Variants in KCNH1 observed in about 807,000 individuals in gnomAD.
KCNH1 encodes voltage-gated delayed rectifier potassium channel KCNH1.
A neutral mutation model predicts 69.2 loss-of-function variants in KCNH1; 27 were observed. The ratio of observed to expected loss-of-function variants is 0.39; its 90% confidence interval spans 0.29 to 0.54. KCNH1 has a LOEUF of 0.54. Among genes scored for constraint, KCNH1 ranks in the 20% least tolerant of loss-of-function variants. The pLI, the probability that KCNH1 is intolerant of heterozygous loss-of-function variation, is 0.68. For synonymous variants in KCNH1, 456 were observed against 487.7 expected, an observed-to-expected ratio of 0.93 and a Z score of 0.86; for missense variants, 798 against 1,261.6, an observed-to-expected ratio of 0.63 and a Z score of 5.57.
At chr1:210,939,910 C>T (rs575000833) in intron 6 of KCNH1, among the ~76,000 whole-genome samples, 2 of 152,234 alleles carry the variant, frequency 1.3e-5, no homozygotes, top group South Asian at 4.1e-4. Context: ...CAAACTGTGA[C>T]TTACAAGAAG....
rs184305469 is a variant in KCNH1, at chr1:210,976,064, C to T, written c.1032+42719G>A. Among the ~76,000 whole-genome samples, 1,518 of 152,294 alleles carry T rather than the reference C, an allele frequency of 1.0e-2. 49 individuals carry two copies. The highest frequency in any genetic ancestry group is 0.055 in the East Asian group (285 of 5,176). On this transcript the variant is annotated intron_variant, in intron 6 of 10. Transcript: ENST00000271751. ...AACCACAATGAGATACCATCTCACA[C>T]CAGTTAGAATGGCAATCATTAAAAA...
At chr1:210,958,608 C>A (rs1055906178) in intron 6 of KCNH1, among the ~76,000 whole-genome samples, 45 of 152,140 alleles carry the variant, frequency 3.0e-4, no homozygotes, top group Non-Finnish European at 1.8e-4. Context: ...TTGTTCATTT[C>A]TTTTTACTCT....
At chr1:211,124,925 G>A (rs1691751369) in intron 1 of KCNH1, among the ~76,000 whole-genome samples, 1 of 152,164 alleles carries the variant, frequency 6.6e-6, no homozygotes, top group Non-Finnish European at 1.5e-5. Context: ...ATAAGGAACA[G>A]ATGCACATAA....
chr1:211,032,492 C>T (rs6689241), intron 5 of KCNH1, among the ~76,000 whole-genome samples: 67,838 of 151,832 alleles, frequency 0.45, 16,035 homozygotes, highest in African/African-American at 0.58. Context: ...GGAGGCATCA[C>T]GCTACCTGAC....
intron 10 of KCNH1, among the ~76,000 whole-genome samples, chr1:210,723,367 T>C (rs964269101): frequency 6.6e-6 from 1 of 152,186 alleles, no homozygotes; most frequent in East Asian, 1.9e-4. Context: ...ATGGAGTCAA[T>C]TGTGGCAGCC....
intron 9 of KCNH1, among the ~76,000 whole-genome samples, chr1:210,793,841 T>C (rs1040206636): frequency 6.6e-6 from 1 of 152,210 alleles, no homozygotes; most frequent in Non-Finnish European, 1.5e-5. Flanking sequence ...CATCCAATGA[T>C]CCTCTAGAAT....
intron 10 of KCNH1, among the ~76,000 whole-genome samples, chr1:210,716,065 C>T (rs911421463): frequency 8.5e-5 from 13 of 152,124 alleles, no homozygotes; most frequent in Non-Finnish European, 1.6e-4. Context: ...CTGCCCTGCT[C>T]TTGCCCCCTC....
intron 6 of KCNH1, among the ~76,000 whole-genome samples, chr1:210,979,666 C>G (rs1325165889): frequency 6.6e-6 from 1 of 152,098 alleles, no homozygotes; most frequent in Non-Finnish European, 1.5e-5. Context: ...TCCTCAGGAG[C>G]TTTTTATTTC....
intron 6 of KCNH1, among the ~76,000 whole-genome samples, chr1:210,993,919 TA>T (rs911242134): frequency 2.5e-4 from 37 of 150,448 alleles, no homozygotes; most frequent in Admixed American, 4.0e-4. Context: ...GAAGGTAATA[TA>T]AAAAAAAATG....
At chr1:210,874,720 G>T (rs996329504) in intron 7 of KCNH1, among the ~76,000 whole-genome samples, 9 of 151,862 alleles carry the variant, frequency 5.9e-5, no homozygotes, top group African/African-American at 2.2e-4. Context: ...ACATATAGCA[G>T]CATACATACA....
intron 7 of KCNH1, among the ~76,000 whole-genome samples, chr1:210,869,102 C>T (rs1686179804): frequency 6.6e-6 from 1 of 151,992 alleles, no homozygotes; most frequent in Non-Finnish European, 1.5e-5. Flanking sequence ...TCATTTTCTT[C>T]TGATTTAAAA....
chr1:210,752,200 A>T (rs1683298017), intron 10 of KCNH1, among the ~76,000 whole-genome samples: 1 of 152,248 alleles, frequency 6.6e-6, no homozygotes, highest in South Asian at 2.1e-4. Flanking sequence ...GTAAGGAATC[A>T]TCGAAGATTT....
intron 7 of KCNH1, among the ~76,000 whole-genome samples, chr1:210,886,814 T>A (rs1686619815): frequency 6.6e-6 from 1 of 151,846 alleles, no homozygotes; most frequent in Non-Finnish European, 1.5e-5. Context: ...AAGATCAACT[T>A]AATGAAATAA....
intron 7 of KCNH1, among the ~76,000 whole-genome samples, chr1:210,822,732 C>T (rs1407215832): frequency 6.6e-6 from 1 of 152,138 alleles, no homozygotes; most frequent in Admixed American, 6.6e-5. Flanking sequence ...CTCATCTGCC[C>T]ATTTCTCTGT....
chr1:210,717,570 C>G (rs1178652444), intron 10 of KCNH1, among the ~76,000 whole-genome samples: 2 of 152,192 alleles, frequency 1.3e-5, no homozygotes, highest in African/African-American at 4.8e-5. Context: ...ACACTCCTTG[C>G]ACAGTTCATC....
At chr1:211,108,956 A>C (rs1691409740) in intron 1 of KCNH1, among the ~76,000 whole-genome samples, 1 of 152,142 alleles carries the variant, frequency 6.6e-6, no homozygotes, top group Non-Finnish European at 1.5e-5. Flanking sequence ...AGCAAGACAA[A>C]TAGATATGTC....
chr1:210,726,974 A>C (rs1682612936), intron 10 of KCNH1, among the ~76,000 whole-genome samples: 1 of 152,170 alleles, frequency 6.6e-6, no homozygotes, highest in Non-Finnish European at 1.5e-5. Context: ...AGGGAGGTGG[A>C]GGCCATCCCT....
At chr1:211,090,756 G>C (rs1691037586) in intron 3 of KCNH1, 66 bp from the exon 4 acceptor site, 1 of 1,425,496 alleles carries the variant, frequency 7.0e-7, no homozygotes, top group Non-Finnish European at 9.6e-7. Context: ...TGGAAGCAAA[G>C]ACTTGGGAAT....
At chr1:210,977,739 C>A (rs1434988890) in intron 6 of KCNH1, among the ~76,000 whole-genome samples, 2 of 152,068 alleles carry the variant, frequency 1.3e-5, no homozygotes, top group African/African-American at 2.4e-5. Context: ...CTGAATCCTA[C>A]CAACCTGAAA....
Sources: gnomAD v4.1 joint callset for allele counts (sites outside exome capture counted in the v4.1 genomes callset) on GRCh38, gnomAD v4.1.1 for gene constraint, MANE v1.5 for transcripts, NCBI Gene and HGNC (gene_info 2026-07-23, HGNC 2026-07-21) for gene names.